The following PIAS1 variants were observed in gnomAD, a reference collection of about 807,000 sequenced individuals.
The protein encoded by PIAS1 is E3 SUMO-protein ligase PIAS1.
A neutral mutation model predicts 71.3 loss-of-function variants in PIAS1; 6 were observed. The ratio of observed to expected loss-of-function variants is 0.08; its 90% CI spans 0.05 to 0.17. The LOEUF (loss-of-function observed/expected upper bound fraction) is 0.17. Among genes scored for constraint, PIAS1 ranks in the 10% least tolerant of loss-of-function variants. The pLI is 1.00. For missense variants in PIAS1, 555 were observed against 793.6 expected, an observed-to-expected ratio of 0.70 and a Z score of 3.61; for synonymous variants, 303 against 292.9, an observed-to-expected ratio of 1.03 and a Z score of -0.35.
At chr15:68,176,988 T>C (rs1185131978) in intron 11 of PIAS1, among the ~76,000 whole-genome samples, 1 of 152,124 alleles carries the variant, frequency 6.6e-6, no homozygotes, top group African/African-American at 2.4e-5. Context: ...TAAGAAAATT[T>C]GTCTTTCTAG....
chr15:68,086,220 A>C lies in PIAS1; in HGVS notation c.25-86A>C. 1.1e-6 allele frequency: 1 copy of C among 904,038 alleles called. No individual in the cohort carries two copies. Among genetic ancestry groups the C allele is most frequent in the South Asian group, 1.9e-5 (1 of 53,150 alleles). 56.0% of individuals were successfully genotyped at this position (904,038 alleles called of 1,614,324 possible). ...CCTTTATTTGCTTAAGTAAACCATA[A>C]GAAGGGGGTTATAATAAAGTGTCAT... On this transcript the variant is annotated intron_variant, in intron 1 of 13. Transcript: ENST00000249636. This position sits in a 1 kb window ranked among gnomAD's most constrained non-coding sequence, Gnocchi z 7.2.
In PIAS1 at chr15:68,054,419, T is replaced by C; in HGVS notation, c.24+69T>C. On this transcript the variant is annotated intron_variant, in intron 1 of 13. Coordinates refer to ENST00000249636, the MANE Select transcript of PIAS1 (RefSeq NM_016166.3). The surrounding 1 kb of genome is among the most constrained non-coding windows in gnomAD (Gnocchi z 4.6). ...ACGGCGCCGCTGCTGCCAGGGGGGA[T>C]GGGTCCGACCCTGGGGGGCCTCTCG... 1 of 1,501,102 alleles carries C rather than the reference T, an allele frequency of 6.7e-7. No homozygotes were observed. The highest frequency in any genetic ancestry group is 9.1e-7 in the Non-Finnish European group (1 of 1,103,212). 93.0% of individuals were successfully genotyped at this position (1,501,102 alleles called of 1,614,324 possible).
chr15:68,141,842 G>C (rs1165562498), intron 2 of PIAS1, 104 bp from the exon 3 acceptor site: 4 of 673,226 alleles, frequency 5.9e-6, no homozygotes, highest in Non-Finnish European at 7.9e-6. Flanking sequence ...CTAAACTCTA[G>C]AATATATACC....
intron 1 of PIAS1, chr15:68,057,361 A>C: frequency 1.2e-5 from 4 of 320,864 alleles, no homozygotes; most frequent in South Asian, 1.0e-4. Flanking sequence ...TGGCCAGATG[A>C]TCTTGGTAGT....
intron 1 of PIAS1, among the ~76,000 whole-genome samples, chr15:68,062,778 A>T (rs763465237): frequency 1.1e-4 from 17 of 152,240 alleles, no homozygotes; most frequent in Non-Finnish European, 2.1e-4. Context: ...GTGAATGTAC[A>T]TGTACATAAA....
At chr15:68,158,497 A>G (rs2092905322) in intron 7 of PIAS1, among the ~76,000 whole-genome samples, 1 of 152,146 alleles carries the variant, frequency 6.6e-6, no homozygotes, top group Admixed American at 6.5e-5. Flanking sequence ...ATCAGAGTGC[A>G]TTAGAGATGA....
intron 7 of PIAS1, among the ~76,000 whole-genome samples, chr15:68,154,120 A>G (rs79773491): frequency 0.036 from 5,430 of 152,268 alleles, 140 homozygotes; most frequent in Non-Finnish European, 0.051. Flanking sequence ...CCATTAATCA[A>G]TTATATGACT....
intron 8 of PIAS1, among the ~76,000 whole-genome samples, chr15:68,168,420 G>T (rs2092970420): frequency 6.6e-6 from 1 of 152,096 alleles, no homozygotes; most frequent in African/African-American, 2.4e-5. Flanking sequence ...CTTTTATCTA[G>T]AATGTTTTCT....
Position 68,146,734 on chromosome 15 carries a change from A to G in PIAS1, c.828+34A>G. On this transcript the variant is annotated intron_variant, in intron 6 of 13. Coordinates refer to ENST00000249636, the MANE Select transcript of PIAS1 (RefSeq NM_016166.3). ...ATTTTTGTTTCTACCAGATTTTTGT[A>G]TTATAAGGAGGGGTTAATCACCATG... The G allele has an allele frequency of 2.6e-6, 4 of 1,561,484 alleles. No individual in the cohort carries two copies. In the South Asian group the frequency reaches 3.4e-5, roughly 13 times the overall value.
intron 2 of PIAS1, among the ~76,000 whole-genome samples, chr15:68,090,944 G>GTA (rs1362226133): frequency 6.6e-6 from 1 of 151,506 alleles, no homozygotes; most frequent in Admixed American, 6.6e-5. Flanking sequence ...GTGTGTGTGT[G>GTA]TGTGTGTGTG....
chr15:68,157,655 C>A (rs1452102924), intron 7 of PIAS1, among the ~76,000 whole-genome samples: 1 of 152,202 alleles, frequency 6.6e-6, no homozygotes, highest in African/African-American at 2.4e-5. Flanking sequence ...TCTCAATCAC[C>A]TGCCTTCAAT....
chr15:68,109,190 A>G (rs548910745), intron 2 of PIAS1, among the ~76,000 whole-genome samples: 26 of 152,274 alleles, frequency 1.7e-4, no homozygotes, highest in Non-Finnish European at 3.2e-4. Flanking sequence ...TACTCATCCC[A>G]CAAACATTCA....
At chr15:68,143,020 A>G (rs990729323) in intron 4 of PIAS1, among the ~76,000 whole-genome samples, 1 of 152,068 alleles carries the variant, frequency 6.6e-6, no homozygotes, top group African/African-American at 2.4e-5. Flanking sequence ...GTCTTAGAAT[A>G]TCTAAGAAAT....
At chr15:68,064,084 G>C (rs2091990177) in intron 1 of PIAS1, among the ~76,000 whole-genome samples, 1 of 152,102 alleles carries the variant, frequency 6.6e-6, no homozygotes. Flanking sequence ...TCAAGGAAAA[G>C]AACTTGTGCA....
chr15:68,178,756 GTATT>G lies in PIAS1; in HGVS notation c.1481+2106_1481+2109del, dbSNP rs1052009610. Among the ~76,000 whole-genome samples, 122 of 152,032 alleles carry G rather than the reference GTATT, an allele frequency of 8.0e-4. No homozygotes were observed. Among genetic ancestry groups the G allele is most frequent in the African/African-American group, 2.8e-3 (117 of 41,468 alleles). ...TTCTTTAGACTATTAATAGTAATAT[GTATT>G]TATGTAAACTATGCAATAGTATTAC... is the stretch of plus-strand genomic sequence containing the variant. On this transcript the variant is annotated intron_variant, in intron 11 of 13. Coordinates refer to ENST00000249636, the MANE Select transcript of PIAS1 (RefSeq NM_016166.3). This position sits in a 1 kb window ranked among gnomAD's most constrained non-coding sequence, Gnocchi z 4.2.
intron 2 of PIAS1, among the ~76,000 whole-genome samples, chr15:68,113,980 ATCTC>A (rs1290234982): frequency 6.6e-6 from 1 of 151,492 alleles, no homozygotes; most frequent in African/African-American, 2.4e-5. Flanking sequence ...TAGCAATAGG[ATCTC>A]TCTCTGTCTC....
At chr15:68,175,055 A>G (rs1229580397) in intron 9 of PIAS1, among the ~76,000 whole-genome samples, 2 of 152,152 alleles carry the variant, frequency 1.3e-5, no homozygotes, top group Non-Finnish European at 2.9e-5. Context: ...TTTTTTCGGT[A>G]TATGATTTTC....
chr15:68,175,867 G>T, intron 10 of PIAS1, 100 bp downstream of exon 10: 2 of 688,120 alleles, frequency 2.9e-6, no homozygotes, highest in Non-Finnish European at 4.3e-6. Flanking sequence ...TGAGCAGTTT[G>T]TGGATAGCTT....
rs865974187 is a variant in PIAS1, at chr15:68,135,579, C to T, written c.470-6367C>T. ...CCCAGTAGGGGTGAACGGGCAGAGG[C>T]GCCCCTCACCTCCCGGACGGGGTGG... On this transcript the variant is annotated intron_variant, in intron 2 of 13. Coordinates refer to ENST00000249636, the MANE Select transcript of PIAS1 (RefSeq NM_016166.3). Among the ~76,000 whole-genome samples, 33 of 50,240 alleles carry T rather than the reference C, an allele frequency of 6.6e-4. 9 individuals carry two copies. Among genetic ancestry groups the T allele is most frequent in the Middle Eastern group, 0.026 (2 of 76 alleles). 33.0% of individuals were successfully genotyped at this position (50,240 alleles called of 152,430 possible).
Sources: allele counts gnomAD v4.1 joint callset (sites outside exome capture counted in the v4.1 genomes callset), GRCh38; gene constraint gnomAD v4.1.1; non-coding constraint Gnocchi (gnomAD v3.1); transcripts MANE v1.5; gene names NCBI Gene and HGNC (gene_info 2026-07-23, HGNC 2026-07-21).